The following LCA5 variants were observed in gnomAD, a reference collection of about 807,000 sequenced individuals.
LCA5 encodes the protein lebercilin LCA5, also known as lebercilin.
A neutral mutation model predicts 53.0 loss-of-function variants in LCA5; 37 were observed. The observed-to-expected ratio is 0.70, with a 90% CI of 0.54 to 0.92. The LOEUF (loss-of-function observed/expected upper bound fraction) is 0.92, where lower values mean the gene tolerates loss of function less well. Ranked by LOEUF, LCA5 falls within the 40% of genes least tolerant of loss-of-function variation. LCA5 has a pLI of 0.00. For synonymous variants in LCA5, 303 were observed against 282.9 expected (o/e 1.07, Z -0.71); for missense variants, 806 against 790.5 (o/e 1.02, Z -0.23).
At chr6:79,532,882 G>T (rs1256091657) in intron 1 of LCA5, among the ~76,000 whole-genome samples, 2 of 152,006 alleles carry the variant, frequency 1.3e-5, no homozygotes, top group African/African-American at 4.8e-5. Context: ...CATTATTTGT[G>T]AAATGAATGA....
At chr6:79,511,263 A>G (rs944634909) in intron 3 of LCA5, among the ~76,000 whole-genome samples, 2 of 152,174 alleles carry the variant, frequency 1.3e-5, no homozygotes, top group Non-Finnish European at 2.9e-5. Flanking sequence ...CAGATGTACC[A>G]TAATACTCCA....
chr6:79,497,405 C>T (rs1209359869), intron 3 of LCA5, among the ~76,000 whole-genome samples: 1 of 152,034 alleles, frequency 6.6e-6, no homozygotes, highest in Non-Finnish European at 1.5e-5. Context: ...AGATGTGATA[C>T]CTTAAGAAGG....
intron 1 of LCA5, among the ~76,000 whole-genome samples, chr6:79,523,598 C>T (rs1319507924): frequency 2.0e-5 from 3 of 152,256 alleles, no homozygotes; most frequent in African/African-American, 7.2e-5. Context: ...AACTGATGTT[C>T]TTTGTCAACA....
intron 3 of LCA5, among the ~76,000 whole-genome samples, chr6:79,494,591 T>C (rs1769930248): frequency 6.6e-6 from 1 of 152,214 alleles, no homozygotes; most frequent in African/African-American, 2.4e-5. Context: ...TACAATCTCA[T>C]TACATTGTGA....
In LCA5 at chr6:79,487,739, T is replaced by C; in HGVS notation, c.1359A>G (p.Lys453=). 6.2e-7 allele frequency: 1 copy of C among 1,613,982 alleles called. No individual in the cohort carries two copies. The highest frequency in any genetic ancestry group is 2.2e-5 in the East Asian group (1 of 44,874). The change falls in exon 8 of 8, where the codon AAA becomes AAG. Residue 453 remains lysine, a synonymous_variant. Transcript: ENST00000369846. ...LGMYPIQNMD[K]LQGEEEERLK... is the part of the protein sequence containing the mutation. ...GTCTTTCTTCTTCCTCTCCTTGCAATTTATCCATATTCTGAATTGGATACA... is the reference window on the plus strand; with the variant it reads ...GTCTTTCTTCTTCCTCTCCTTGCAACTTATCCATATTCTGAATTGGATACA...
chr6:79,524,346 G>A (rs1306265042), intron 1 of LCA5, among the ~76,000 whole-genome samples: 3 of 152,090 alleles, frequency 2.0e-5, no homozygotes, highest in Non-Finnish European at 4.4e-5. Flanking sequence ...AGGGTTTATG[G>A]TTTAGGAAGT....
rs777920075 is a variant in LCA5, at chr6:79,487,831, C to G, written c.1267G>C (p.Glu423Gln). The part of the protein sequence containing the change: ...EREELDKKQK[E>Q]KASLLEREEK... ...TCTCTTTCCAGTAAAGATGCCTTTTCTTTTTGCTTTTTATCAAGTTCTTCT... is the reference window on the plus strand; with the variant it reads ...TCTCTTTCCAGTAAAGATGCCTTTTGTTTTTGCTTTTTATCAAGTTCTTCT... Residue 423 changes from glutamate (E) to glutamine (Q), a missense_variant, in exon 8 of 8, where the codon GAA (glutamate) becomes CAA (glutamine). Physicochemically the swap from Glu to Gln is conservative, Grantham distance 29. Coordinates refer to ENST00000369846, the MANE Select transcript of LCA5 (RefSeq NM_001122769.3). The G allele has an allele frequency of 4.6e-5, 74 of 1,608,150 alleles. No homozygotes were observed. The highest frequency in any genetic ancestry group is 6.2e-5 in the Non-Finnish European group (73 of 1,178,176).
intron 3 of LCA5, among the ~76,000 whole-genome samples, chr6:79,512,520 G>A (rs541984469): frequency 5.1e-4 from 77 of 152,144 alleles, no homozygotes; most frequent in South Asian, 4.8e-3. Context: ...CTTTGCTCAC[G>A]CTCACAGCAA....
intron 1 of LCA5, among the ~76,000 whole-genome samples, chr6:79,524,234 T>C (rs138558051): frequency 3.1e-4 from 47 of 152,294 alleles, no homozygotes; most frequent in African/African-American, 1.0e-3. Flanking sequence ...ATTACTTTTA[T>C]TGAATTCCTG....
Position 79,513,607 on chromosome 6 carries a change from G to A in LCA5, c.325C>T (p.Leu109=). 1 of 1,613,896 alleles carries A rather than the reference G, an allele frequency of 6.2e-7. No homozygotes were observed. Among genetic ancestry groups the A allele is most frequent in the Non-Finnish European group, 8.5e-7 (1 of 1,179,858 alleles). The change falls in exon 3 of 8, where the codon CTG becomes TTG. Residue 109 remains leucine, a synonymous_variant. Transcript: ENST00000369846. ...LVTKRILSAR[L]LKINELQNEV... is the part of the protein sequence containing the mutation. Reference sequence around the variant, plus strand: ...TTCTGCAACTCATTGATTTTTAGCAGTCTTGCAGACAGAATCCGTTTTGTA... The same window carrying A: ...TTCTGCAACTCATTGATTTTTAGCAATCTTGCAGACAGAATCCGTTTTGTA...
In LCA5 at chr6:79,491,702, C is replaced by G. The variant is rs144780075; in HGVS notation, c.984G>C (p.Leu328=). Residue 328 remains leucine, a synonymous_variant, in exon 6 of 8, where the codon CTG becomes CTC. Transcript: ENST00000369846. ...CCATGGTTTGTACTCCTTTTGTACA[C>G]AGGTCTGCAAAATCACTCTGGCATG... ...NAACQSDFAD[L]CTKGVQTMED... The G allele has an allele frequency of 1.3e-5, 21 of 1,612,930 alleles. No homozygotes were observed. The African/African-American group carries it at 1.9e-4, about 14-fold the overall frequency.
At chr6:79,535,449 T>C (rs112399343) in intron 1 of LCA5, among the ~76,000 whole-genome samples, 4 of 152,288 alleles carry the variant, frequency 2.6e-5, no homozygotes, top group Non-Finnish European at 5.9e-5. Flanking sequence ...AGTACGGAAC[T>C]GATTCCAGAA....
At position 79,491,449 on chromosome 6, in the gene LCA5, T is replaced by C. The variant is rs989112797; in HGVS notation, c.1098+139A>G. On this transcript the variant is annotated intron_variant, in intron 6 of 7. Transcript: ENST00000369846. Reference sequence around the variant, plus strand: ...AATTTTACAAAATACACGATACCTCTTTCCCTTCAAAAAGGCTAGTCGCAT... The same window carrying C: ...AATTTTACAAAATACACGATACCTCCTTCCCTTCAAAAAGGCTAGTCGCAT... The C allele has an allele frequency of 3.4e-5, 30 of 870,994 alleles. No homozygotes were observed. The Admixed American group carries it at 6.2e-4, about 18-fold the overall frequency. The allele number at this position is 870,994 out of a possible 1,614,324, so 54.0% of individuals were successfully genotyped here.
In LCA5 at chr6:79,513,690, A is replaced by G. The variant is rs751051900; in HGVS notation, c.242T>C (p.Val81Ala). The change falls in exon 3 of 8, where the codon GTG becomes GCG. Residue 81 changes from valine to alanine, a missense_variant. By Grantham distance (64) the Val-to-Ala change is moderately conservative. Coordinates refer to ENST00000369846, the MANE Select transcript of LCA5 (RefSeq NM_001122769.3). ...ATTGAGGCTCTGGGAGCGAAATCCC[A>G]CTCGGACTCCCTTTCTGTTTGGTAG... ...KGLPNRKGVR[V>A]GFRSQSLNRE... The G allele has an allele frequency of 5.6e-6, 9 of 1,613,684 alleles. No individual in the cohort carries two copies. Among genetic ancestry groups the G allele is most frequent in the Non-Finnish European group, 7.6e-6 (9 of 1,179,778 alleles).
intron 5 of LCA5, 134 bp downstream of exon 5, chr6:79,492,417 T>TA: frequency 4.4e-6 from 2 of 450,760 alleles, no homozygotes; most frequent in Middle Eastern, 6.2e-4. Context: ...TTAGGAAATT[T>TA]AAATTGCAAC....
At chr6:79,508,145 AG>A (rs1358909131) in intron 3 of LCA5, among the ~76,000 whole-genome samples, 3 of 152,186 alleles carry the variant, frequency 2.0e-5, no homozygotes, top group Admixed American at 6.5e-5. Context: ...TACGGAGCTC[AG>A]GAAGTTTAAT....
intron 1 of LCA5, among the ~76,000 whole-genome samples, chr6:79,519,788 T>C (rs1482332478): frequency 1.3e-5 from 2 of 150,666 alleles, no homozygotes; most frequent in African/African-American, 4.9e-5. Context: ...ATAACTAAAG[T>C]ACATTTTTTA....
intron 1 of LCA5, among the ~76,000 whole-genome samples, chr6:79,521,642 G>A (rs1355691787): frequency 6.6e-6 from 1 of 152,016 alleles, no homozygotes; most frequent in East Asian, 1.9e-4. Flanking sequence ...AATTTATGAT[G>A]GCTTTTATTT....
chr6:79,518,341 C>T (rs1766505779), intron 2 of LCA5, among the ~76,000 whole-genome samples: 1 of 152,060 alleles, frequency 6.6e-6, no homozygotes, highest in Non-Finnish European at 1.5e-5. Context: ...TATGTCGATG[C>T]TTTTTCTACT....
Sources: gnomAD v4.1 joint callset for allele counts (sites outside exome capture counted in the v4.1 genomes callset) on GRCh38, gnomAD v4.1.1 for gene constraint, MANE v1.5 for transcripts, NCBI Gene and HGNC (gene_info 2026-07-23, HGNC 2026-07-21) for gene names.